Variants in GPC6 observed in about 807,000 individuals in gnomAD.
GPC6 encodes glypican 6, also known as glypican-6.
A neutral mutation model predicts 55.2 loss-of-function variants in GPC6; 14 were observed. The observed-to-expected ratio is 0.25, with a 90% confidence interval of 0.17 to 0.40. The LOEUF (loss-of-function observed/expected upper bound fraction) is 0.40. GPC6 is among the 10% of genes least tolerant of loss of function. The pLI is 1.00. For synonymous variants in GPC6, 278 were observed against 259.6 expected (o/e 1.07, Z -0.68); for missense variants, 641 against 708.5 (o/e 0.90, Z 1.08).
chr13:93,830,410 A>G lies in GPC6; in HGVS notation c.576A>G (p.Lys192=), dbSNP rs371970199. Residue 192 remains lysine (K), a synonymous_variant, in exon 3 of 9, where the codon AAA becomes AAG. Coordinates refer to ENST00000377047, the MANE Select transcript of GPC6 (RefSeq NM_005708.5). ...AAGACTACCTGGAATGTGTGAGCAA[A>G]TACACTGACCAGCTCAAGCCATTTG... ...FSEDYLECVS[K]YTDQLKPFGD... is the part of the protein sequence containing the mutation. 2.3e-4 allele frequency: 377 copies of G among 1,613,828 alleles called. No individual in the cohort carries two copies. The highest frequency in any genetic ancestry group is 3.0e-4 in the Non-Finnish European group (357 of 1,179,968).
intron 4 of GPC6, among the ~76,000 whole-genome samples, chr13:94,107,199 C>T (rs551583959): frequency 1.3e-5 from 2 of 152,142 alleles, no homozygotes; most frequent in East Asian, 3.9e-4. Flanking sequence ...TTGCAGAGGG[C>T]AAATAGCTGA....
intron 2 of GPC6, among the ~76,000 whole-genome samples, chr13:93,597,248 C>G (rs1284277975): frequency 6.6e-6 from 1 of 152,072 alleles, no homozygotes; most frequent in Admixed American, 6.6e-5. Context: ...CACACTATGT[C>G]CTAATCAAGT....
intron 2 of GPC6, among the ~76,000 whole-genome samples, chr13:93,584,176 G>A (rs2139494121): frequency 6.6e-6 from 1 of 152,278 alleles, no homozygotes; most frequent in Admixed American, 6.5e-5. Flanking sequence ...GGATCATTCT[G>A]AGATAACAGC....
chr13:94,400,868 C>T (rs1881099511), intron 8 of GPC6, among the ~76,000 whole-genome samples: 2 of 152,212 alleles, frequency 1.3e-5, no homozygotes, highest in Admixed American at 1.3e-4. Context: ...ATCATTTCTC[C>T]TAACAGATAG....
chr13:94,207,487 T>C (rs1464076258), intron 4 of GPC6, among the ~76,000 whole-genome samples: 1 of 152,210 alleles, frequency 6.6e-6, no homozygotes, highest in East Asian at 1.9e-4. Flanking sequence ...TTCCAACTTA[T>C]ATCTGTTAAA....
chr13:93,537,198 A>T (rs9301893), intron 1 of GPC6, among the ~76,000 whole-genome samples: 41,098 of 151,984 alleles, frequency 0.27, 5,668 homozygotes, highest in South Asian at 0.32. Context: ...AGATGATCAG[A>T]CATAGCTTAG....
intron 3 of GPC6, among the ~76,000 whole-genome samples, chr13:93,831,404 TA>T (rs1217971244): frequency 2.0e-5 from 3 of 152,198 alleles, no homozygotes; most frequent in African/African-American, 7.2e-5. Context: ...GAAGTAAAGT[TA>T]AAAATAATAC....
intron 4 of GPC6, among the ~76,000 whole-genome samples, chr13:94,271,116 G>A (rs1359045845): frequency 1.3e-5 from 2 of 150,660 alleles, no homozygotes; most frequent in Non-Finnish European, 3.0e-5. Flanking sequence ...TCAGCCTCCC[G>A]AGTAGCTGGG....
intron 4 of GPC6, among the ~76,000 whole-genome samples, chr13:94,265,248 A>C (rs1222147566): frequency 1.3e-5 from 2 of 152,230 alleles, no homozygotes; most frequent in Admixed American, 6.5e-5. Flanking sequence ...GGAGTTTATT[A>C]AGTATTAAAC....
chr13:94,083,182 A>G (rs1192967090), intron 4 of GPC6, among the ~76,000 whole-genome samples: 4 of 152,042 alleles, frequency 2.6e-5, no homozygotes, highest in Admixed American at 1.3e-4. Flanking sequence ...GCAGTGGTGC[A>G]ATCTCGGGTC....
intron 3 of GPC6, among the ~76,000 whole-genome samples, chr13:93,971,224 C>T (rs79887615): frequency 0.01 from 1,574 of 152,262 alleles, 35 homozygotes; most frequent in African/African-American, 0.036. Flanking sequence ...TGGCTGAACA[C>T]ATTACAGAAA....
intron 2 of GPC6, among the ~76,000 whole-genome samples, chr13:93,794,389 T>C (rs2138927047): frequency 6.6e-6 from 1 of 152,324 alleles, no homozygotes; most frequent in South Asian, 2.1e-4. Context: ...CCCAGCAATC[T>C]GGTTTCACAC....
chr13:94,202,174 T>G (rs1038445594), intron 4 of GPC6, among the ~76,000 whole-genome samples: 1 of 152,166 alleles, frequency 6.6e-6, no homozygotes, highest in East Asian at 1.9e-4. Flanking sequence ...TTAAAATCCT[T>G]TGTAAATTCT....
intron 6 of GPC6, among the ~76,000 whole-genome samples, chr13:94,361,018 TTGA>T (rs1879036314): frequency 6.6e-6 from 1 of 152,084 alleles, no homozygotes; most frequent in Non-Finnish European, 1.5e-5. Context: ...TAGTGAGGAT[TTGA>T]TGACATCTCA....
intron 1 of GPC6, among the ~76,000 whole-genome samples, chr13:93,383,877 C>T (rs1875286200): frequency 6.6e-6 from 1 of 152,028 alleles, no homozygotes; most frequent in African/African-American, 2.4e-5. Flanking sequence ...ATCATATCTT[C>T]TTCCTTTTTA....
chr13:93,906,745 C>A (rs1313824858), intron 3 of GPC6, among the ~76,000 whole-genome samples: 2 of 152,284 alleles, frequency 1.3e-5, no homozygotes, highest in East Asian at 3.9e-4. Context: ...CTTTGCTCCT[C>A]TGCAGAGCAT....
chr13:93,404,776 A>G (rs1191996196), intron 1 of GPC6, among the ~76,000 whole-genome samples: 1 of 152,170 alleles, frequency 6.6e-6, no homozygotes, highest in Non-Finnish European at 1.5e-5. Flanking sequence ...AACATTTATT[A>G]GATTGGTAGA....
intron 1 of GPC6, among the ~76,000 whole-genome samples, chr13:93,472,574 G>A (rs368968379): frequency 1.6e-4 from 25 of 152,334 alleles, no homozygotes; most frequent in African/African-American, 4.3e-4. Flanking sequence ...GGGGGTGCCC[G>A]GAAGCTTGGA....
At chr13:93,893,109 G>T (rs1199798766) in intron 3 of GPC6, among the ~76,000 whole-genome samples, 1 of 150,022 alleles carries the variant, frequency 6.7e-6, no homozygotes, top group Non-Finnish European at 1.5e-5. Context: ...GCCCAGGCTG[G>T]AGTGCAATGG....
Sources: gnomAD v4.1 joint callset for allele counts (sites outside exome capture counted in the v4.1 genomes callset) on GRCh38, gnomAD v4.1.1 for gene constraint, MANE v1.5 for transcripts, NCBI Gene and HGNC (gene_info 2026-07-23, HGNC 2026-07-21) for gene names.